Variants in LARGE1 observed in about 807,000 individuals in gnomAD.
LARGE1 encodes the protein LARGE xylosyl- and glucuronyltransferase 1.
In LARGE1, 43 loss-of-function variants were observed where a neutral mutation model predicts 87.6. That is an observed-to-expected ratio of 0.49 (90% confidence interval 0.38 to 0.63). The LOEUF (loss-of-function observed/expected upper bound fraction) is 0.63, where lower values mean the gene tolerates loss of function less well. LARGE1 is among the 30% of genes least tolerant of loss of function. The pLI, the probability that LARGE1 is intolerant of heterozygous loss-of-function variation, is 0.00. For synonymous variants in LARGE1, 434 were observed against 394.6 expected, an observed-to-expected ratio of 1.10 and a Z score of -1.18; for missense variants, 802 against 1,000.2, an observed-to-expected ratio of 0.80 and a Z score of 2.67.
At chr22:33,652,361 A>G (rs1457261614) in intron 2 of LARGE1, among the ~76,000 whole-genome samples, 1 of 151,788 alleles carries the variant, frequency 6.6e-6, no homozygotes, top group Non-Finnish European at 1.5e-5. Flanking sequence ...GCTAACATTA[A>G]AAAAAAACAA....
chr22:33,376,295 A>T (rs1427505426), intron 9 of LARGE1, among the ~76,000 whole-genome samples: 1 of 152,226 alleles, frequency 6.6e-6, no homozygotes, highest in East Asian at 1.9e-4. Flanking sequence ...TTATTTGCCT[A>T]TAGAGCAAAT....
chr22:33,633,459 T>A (rs1177026352), intron 3 of LARGE1, among the ~76,000 whole-genome samples: 1 of 152,104 alleles, frequency 6.6e-6, no homozygotes, highest in Non-Finnish European at 1.5e-5. Context: ...CAGGAAAGAA[T>A]CCTCAGGGAG....
intron 2 of LARGE1, among the ~76,000 whole-genome samples, chr22:33,734,013 G>C (rs1009283119): frequency 2.0e-5 from 3 of 152,110 alleles, no homozygotes; most frequent in Non-Finnish European, 4.4e-5. Flanking sequence ...GGTTCTGAAG[G>C]GTGTCAGGGA....
intron 7 of LARGE1, among the ~76,000 whole-genome samples, chr22:33,402,551 A>G (rs568433008): frequency 7.0e-4 from 106 of 152,272 alleles, no homozygotes; most frequent in African/African-American, 2.5e-3. Context: ...AGCACGCATG[A>G]CCTTGGGCAG....
intron 1 of LARGE1, among the ~76,000 whole-genome samples, chr22:33,794,915 C>A (rs5754673): frequency 0.19 from 21,069 of 110,244 alleles, 1,663 homozygotes; most frequent in Middle Eastern, 0.35. Flanking sequence ...TCACCGTGCC[C>A]GGCCTTAAAA....
chr22:33,313,843 C>T (rs138729852), intron 11 of LARGE1, among the ~76,000 whole-genome samples: 1 of 152,296 alleles, frequency 6.6e-6, no homozygotes, highest in Non-Finnish European at 1.5e-5. Context: ...GAGGGCCCTG[C>T]TAACATCTTC....
intron 6 of LARGE1, among the ~76,000 whole-genome samples, chr22:33,439,902 G>A (rs1601845822): frequency 6.6e-6 from 1 of 152,086 alleles, no homozygotes; most frequent in Non-Finnish European, 1.5e-5. Flanking sequence ...GAACCCTCCT[G>A]CTCCTCATTC....
chr22:33,445,989 G>A (rs2067673494), intron 6 of LARGE1, among the ~76,000 whole-genome samples: 1 of 152,194 alleles, frequency 6.6e-6, no homozygotes, highest in Non-Finnish European at 1.5e-5. Context: ...GAGAGCTTCA[G>A]AATAGGGGCT....
At chr22:33,443,416 C>T (rs1342774041) in intron 6 of LARGE1, among the ~76,000 whole-genome samples, 1 of 152,206 alleles carries the variant, frequency 6.6e-6, no homozygotes, top group Non-Finnish European at 1.5e-5. Flanking sequence ...GCCCAGCCCA[C>T]CTGCTCCTGT....
At chr22:33,125,983 G>A in the LARGE1 span, among the ~76,000 whole-genome samples, 20 of 151,980 alleles carry the variant, frequency 1.3e-4, no homozygotes, top group African/African-American at 4.4e-4. Flanking sequence ...CCTGACTTTC[G>A]ACAATCCACC....
chr22:33,484,619 C>T (rs778266721), intron 6 of LARGE1, among the ~76,000 whole-genome samples: 36 of 152,108 alleles, frequency 2.4e-4, no homozygotes, highest in Non-Finnish European at 3.5e-4. Context: ...GACAGGAGAG[C>T]GCTGGGTTCT....
chr22:33,780,631 CTG>C (rs1424514470), intron 1 of LARGE1, among the ~76,000 whole-genome samples: 1 of 152,214 alleles, frequency 6.6e-6, no homozygotes, highest in Non-Finnish European at 1.5e-5. Context: ...ATTAAAATAA[CTG>C]TGGGTTCAAT....
chr22:33,481,759 G>A (rs1017998394), intron 6 of LARGE1, among the ~76,000 whole-genome samples: 13 of 152,134 alleles, frequency 8.5e-5, no homozygotes, highest in Non-Finnish European at 1.3e-4. Context: ...AACCTTGCCC[G>A]TTAGAGCAAC....
chr22:33,564,310 A>G (rs898839930), intron 6 of LARGE1, among the ~76,000 whole-genome samples: 2 of 152,162 alleles, frequency 1.3e-5, no homozygotes, highest in Non-Finnish European at 2.9e-5. Flanking sequence ...GTACTCTCAT[A>G]TACCTTGAGG....
chr22:33,429,181 G>T (rs1031551418), intron 7 of LARGE1, among the ~76,000 whole-genome samples: 1 of 152,080 alleles, frequency 6.6e-6, no homozygotes, highest in African/African-American at 2.4e-5. Context: ...GTTTCCATGA[G>T]AATCTACATG....
At chr22:33,175,318 G>A (rs1051016170) in intron 11 of LARGE1, among the ~76,000 whole-genome samples, 4 of 152,066 alleles carry the variant, frequency 2.6e-5, no homozygotes, top group Non-Finnish European at 5.9e-5. Context: ...GGAAGGGAGA[G>A]AGAAAGAAAT....
chr22:33,375,158 C>T (rs778624620), intron 9 of LARGE1, among the ~76,000 whole-genome samples: 3 of 152,096 alleles, frequency 2.0e-5, no homozygotes, highest in Non-Finnish European at 4.4e-5. Flanking sequence ...ATTTAAAACA[C>T]TGTTAGTTCT....
At chr22:33,285,945 G>C (rs1931453767) in intron 12 of LARGE1, among the ~76,000 whole-genome samples, 1 of 152,164 alleles carries the variant, frequency 6.6e-6, no homozygotes, top group African/African-American at 2.4e-5. Context: ...GTAGAGAGGG[G>C]GTGGTTGGGA....
At chr22:33,068,152 C>CTT in the LARGE1 span, among the ~76,000 whole-genome samples, 1 of 152,052 alleles carries the variant, frequency 6.6e-6, no homozygotes, top group Non-Finnish European at 1.5e-5. Context: ...GGAGGGAAAT[C>CTT]TTTTATTATT....
Sources: gnomAD v4.1 joint callset for allele counts (sites outside exome capture counted in the v4.1 genomes callset) on GRCh38, gnomAD v4.1.1 for gene constraint, MANE v1.5 for transcripts, NCBI Gene and HGNC (gene_info 2026-07-23, HGNC 2026-07-21) for gene names.